Variants in CHN1 observed in about 807,000 individuals in gnomAD.
CHN1 encodes chimerin 1, also known as N-chimaerin.
In CHN1, 37 loss-of-function variants were observed where a neutral mutation model predicts 59.5. The ratio of observed to expected loss-of-function variants is 0.62; its 90% CI spans 0.48 to 0.82. The LOEUF (loss-of-function observed/expected upper bound fraction) is 0.82. Ranked by LOEUF, CHN1 falls within the 40% of genes least tolerant of loss-of-function variation. CHN1 has a pLI of 0.00. For missense variants in CHN1, 469 were observed against 571.0 expected (o/e 0.82, Z 1.82); for synonymous variants, 206 against 200.4 (o/e 1.03, Z -0.24).
intron 2 of CHN1, among the ~76,000 whole-genome samples, chr2:174,947,474 CTT>C (rs1025986409): frequency 7.0e-6 from 1 of 143,782 alleles, no homozygotes. Flanking sequence ...CTTTAAGACT[CTT>C]TTTTTTTTTA....
At chr2:174,891,655 G>A (rs1688055495) in intron 5 of CHN1, among the ~76,000 whole-genome samples, 1 of 151,526 alleles carries the variant, frequency 6.6e-6, no homozygotes, top group Admixed American at 6.6e-5. Flanking sequence ...AGTTTATAGT[G>A]GTAAATACCT....
intron 11 of CHN1, among the ~76,000 whole-genome samples, chr2:174,807,583 T>G (rs1316856604): frequency 6.6e-6 from 1 of 150,580 alleles, no homozygotes; most frequent in South Asian, 2.1e-4. Flanking sequence ...CAAGGACATG[T>G]GAGATCCCTC....
At position 174,799,575 on chromosome 2, in the gene CHN1, A is replaced by T. The variant is rs1045798430; in HGVS notation, c.*541T>A. The stretch of plus-strand genomic sequence containing the variant: ...AACACATTTTGCTTTTGCTGGAAAG[A>T]AAGTACTATGTTAGAGAAGAACTAA... On this transcript the variant is annotated 3_prime_UTR_variant, in exon 13 of 13. Coordinates refer to ENST00000409900, the MANE Select transcript of CHN1 (RefSeq NM_001822.7). 1 of 525,656 alleles carries T rather than the reference A, an allele frequency of 1.9e-6. No individual in the cohort carries two copies. Among genetic ancestry groups the T allele is most frequent in the Non-Finnish European group, 3.7e-6 (1 of 271,100 alleles). 32.6% of individuals were successfully genotyped at this position (525,656 alleles called of 1,614,324 possible). A position where few individuals can be genotyped will look rare whatever the true frequency, so the allele number is the denominator to read the frequency against.
intron 1 of CHN1, among the ~76,000 whole-genome samples, chr2:174,955,199 T>TATATC (rs1553486807): frequency 2.4e-5 from 1 of 41,370 alleles, no homozygotes; most frequent in Non-Finnish European, 4.3e-5. Flanking sequence ...TATATATATA[T>TATATC]AATTGATATA....
At chr2:174,897,677 G>A (rs571108198) in intron 5 of CHN1, among the ~76,000 whole-genome samples, 1 of 152,114 alleles carries the variant, frequency 6.6e-6, no homozygotes, top group Non-Finnish European at 1.5e-5. Context: ...TTGAAAACAA[G>A]CAAACTCATA....
chr2:174,987,946 G>C (rs1287717700), intron 1 of CHN1, among the ~76,000 whole-genome samples: 1 of 151,988 alleles, frequency 6.6e-6, no homozygotes, highest in Non-Finnish European at 1.5e-5. Flanking sequence ...TTTAACTATG[G>C]TGAGGATGGT....
Position 174,801,729 on chromosome 2 carries a change from A to C in CHN1, c.1186T>G (p.Tyr396Asp). 6.2e-7 allele frequency: 1 copy of C among 1,613,370 alleles called. No individual in the cohort carries two copies. The highest frequency in any genetic ancestry group is 8.5e-7 in the Non-Finnish European group (1 of 1,179,406). Residue 396 changes from tyrosine (Y) to aspartate (D), a missense_variant, in exon 12 of 13, where the codon TAC (tyrosine) becomes GAC (aspartate). By Grantham distance (160) the Tyr-to-Asp change is radical (BLOSUM62 -3). Transcript: ENST00000409900. Reference sequence around the variant, plus strand: ...TGCCTCTTTAGATGTGCCATGAGGTACCGGAGGGTTTCGCAGTGAGCAGGT... The same window carrying C: ...TGCCTCTTTAGATGTGCCATGAGGTCCCGGAGGGTTTCGCAGTGAGCAGGT... ...LPPAHCETLRYLMAHLKRVTL... is the reference protein window; with the variant it reads ...LPPAHCETLRDLMAHLKRVTL...
chr2:174,919,538 T>A (rs1688945597), intron 3 of CHN1, among the ~76,000 whole-genome samples: 1 of 152,200 alleles, frequency 6.6e-6, no homozygotes, highest in Admixed American at 6.5e-5. Context: ...GATCACTGAA[T>A]CCTCAAAATA....
chr2:174,908,911 A>G (rs901361186), intron 5 of CHN1, among the ~76,000 whole-genome samples: 1 of 152,228 alleles, frequency 6.6e-6, no homozygotes, highest in African/African-American at 2.4e-5. Context: ...AATTATTAAT[A>G]TAATTAGGTT....
chr2:174,816,567 G>A (rs949783247), intron 8 of CHN1, among the ~76,000 whole-genome samples: 9 of 152,102 alleles, frequency 5.9e-5, no homozygotes, highest in Non-Finnish European at 1.0e-4. Flanking sequence ...TTTATGGTTC[G>A]TGGGCTTCTC....
chr2:174,943,963 T>A (rs1293861539), intron 3 of CHN1, among the ~76,000 whole-genome samples: 1 of 152,152 alleles, frequency 6.6e-6, no homozygotes, highest in African/African-American at 2.4e-5. Flanking sequence ...GACCAGACTA[T>A]ATATTTTTTA....
At chr2:174,820,653 C>T (rs1418440280) in intron 8 of CHN1, among the ~76,000 whole-genome samples, 1 of 152,196 alleles carries the variant, frequency 6.6e-6, no homozygotes, top group African/African-American at 2.4e-5. Context: ...TAATGATTAG[C>T]ATTCTCAGGA....
At position 175,005,265 on chromosome 2, in the gene CHN1, GC is replaced by G; in HGVS notation, c.-354del. 8.8e-7 allele frequency: 1 copy of G among 1,134,326 alleles called. No individual in the cohort carries two copies. The highest frequency in any genetic ancestry group is 1.1e-6 in the Non-Finnish European group (1 of 921,298). The allele number at this position is 1,134,326 out of a possible 1,614,324, so 70.3% of individuals were successfully genotyped here. On this transcript the variant is annotated 5_prime_UTR_variant, in exon 1 of 13. The change abolishes the stop of an existing upstream ORF in the 5' untranslated region. Coordinates refer to ENST00000409900, the MANE Select transcript of CHN1 (RefSeq NM_001822.7). ...CTGGCGGAGAGGCGGCGCCGCACTG[GC>G]GGCGGCGGCGGCGGCGACGGGGAGA... is the stretch of plus-strand genomic sequence containing the variant.
chr2:174,986,677 G>A (rs866033979), intron 1 of CHN1, among the ~76,000 whole-genome samples: 47 of 152,168 alleles, frequency 3.1e-4, no homozygotes, highest in Non-Finnish European at 1.2e-4. Context: ...AGACAACAAA[G>A]ATGAAGACAT....
intron 3 of CHN1, among the ~76,000 whole-genome samples, chr2:174,922,461 TAGG>T (rs1264540491): frequency 6.6e-6 from 1 of 152,132 alleles, no homozygotes; most frequent in East Asian, 1.9e-4. Context: ...GAGACCAAGG[TAGG>T]AGAACTGCTT....
At chr2:174,962,012 C>T (rs574369080) in intron 1 of CHN1, among the ~76,000 whole-genome samples, 30 of 152,242 alleles carry the variant, frequency 2.0e-4, no homozygotes, top group African/African-American at 5.8e-4. Context: ...GAGGGCCAGG[C>T]GCGGTGGCTC....
chr2:175,004,421 A>G (rs1208651125), intron 1 of CHN1, among the ~76,000 whole-genome samples: 1 of 152,202 alleles, frequency 6.6e-6, no homozygotes, highest in Non-Finnish European at 1.5e-5. Context: ...TTTCCAACGG[A>G]ATATACTGAG....
At chr2:174,849,664 C>T (rs552826563) in intron 6 of CHN1, among the ~76,000 whole-genome samples, 8 of 152,162 alleles carry the variant, frequency 5.3e-5, no homozygotes, top group South Asian at 4.1e-4. Flanking sequence ...CTATTAATTA[C>T]GGTTATCACT....
intron 6 of CHN1, among the ~76,000 whole-genome samples, chr2:174,850,238 T>C (rs1052596136): frequency 7.2e-5 from 11 of 152,230 alleles, no homozygotes; most frequent in Non-Finnish European, 1.5e-4. Flanking sequence ...TGTAGCTGTT[T>C]AAATAGAATT....
Sources: gnomAD v4.1 joint callset for allele counts (sites outside exome capture counted in the v4.1 genomes callset) on GRCh38, gnomAD v4.1.1 for gene constraint, MANE v1.5 for transcripts, NCBI Gene and HGNC (gene_info 2026-07-23, HGNC 2026-07-21) for gene names.